Variants in ATP8A1 observed in about 807,000 individuals in gnomAD.
ATP8A1 encodes the protein ATPase phospholipid transporting 8A1.
ATP8A1 carries 90 observed loss-of-function variants against 177.7 expected under a neutral mutation model. The ratio of observed to expected loss-of-function variants is 0.51; its 90% CI spans 0.43 to 0.60. The LOEUF (loss-of-function observed/expected upper bound fraction) is 0.60, where lower values mean the gene tolerates loss of function less well. Ranked by LOEUF, ATP8A1 falls within the 20% of genes least tolerant of loss-of-function variation. ATP8A1 has a pLI of 0.00. For missense variants in ATP8A1, 1,072 were observed against 1,392.8 expected (o/e 0.77, Z 3.67); for synonymous variants, 493 against 485.9 (o/e 1.01, Z -0.19).
At chr4:42,563,511 A>G (rs1323549355) in intron 15 of ATP8A1, among the ~76,000 whole-genome samples, 1 of 152,252 alleles carries the variant, frequency 6.6e-6, no homozygotes, top group Non-Finnish European at 1.5e-5. Context: ...AGAAATTTGC[A>G]TAAGTAACGA....
chr4:42,594,346 A>G (rs1325453158), intron 6 of ATP8A1: 9 of 1,594,022 alleles, frequency 5.6e-6, no homozygotes, highest in South Asian at 1.1e-5. Context: ...TATTATAACT[A>G]TATCTCCAAC....
At chr4:42,458,652 T>C (rs1019052566) in intron 27 of ATP8A1, among the ~76,000 whole-genome samples, 1 of 152,228 alleles carries the variant, frequency 6.6e-6, no homozygotes, top group Non-Finnish European at 1.5e-5. Flanking sequence ...GATAGTGACT[T>C]TCCTAAGCAA....
At chr4:42,528,642 G>A (rs1726953836) in intron 20 of ATP8A1, among the ~76,000 whole-genome samples, 1 of 151,992 alleles carries the variant, frequency 6.6e-6, no homozygotes, top group African/African-American at 2.4e-5. Flanking sequence ...GGCCCACCAA[G>A]CAATTTGCCT....
At chr4:42,547,854 T>C (rs1353217096) in intron 19 of ATP8A1, among the ~76,000 whole-genome samples, 2 of 152,220 alleles carry the variant, frequency 1.3e-5, no homozygotes, top group African/African-American at 4.8e-5. Flanking sequence ...TCCTAAGCAA[T>C]GTACAAGTTT....
rs1049669366 is a variant in ATP8A1, at chr4:42,455,636, C to T, written c.2620-37G>A. 3 of 1,589,196 alleles carry T rather than the reference C, an allele frequency of 1.9e-6. No homozygotes were observed. In the African/African-American group the frequency reaches 4.1e-5, roughly 22 times the overall value. ...AACCCAAAACCCCCAAATTAGAATA[C>T]AAAAGCATAAATGCATTGCTTAGAA... On this transcript the variant is annotated intron_variant, in intron 27 of 36. Coordinates refer to ENST00000381668, the MANE Select transcript of ATP8A1 (RefSeq NM_006095.2).
At chr4:42,600,765 C>T (rs1278402877) in intron 5 of ATP8A1, among the ~76,000 whole-genome samples, 1 of 152,060 alleles carries the variant, frequency 6.6e-6, no homozygotes, top group Non-Finnish European at 1.5e-5. Context: ...CAAGGGCTTT[C>T]TTTAGCACAT....
rs943232340 is a variant in ATP8A1 at position 42,459,075 on chromosome 4, T to C, written c.2620-3476A>G. 4.6e-5 allele frequency among the ~76,000 whole-genome samples: 7 copies of C among 152,238 alleles called. No homozygotes were observed. In the South Asian group the frequency reaches 1.4e-3, roughly 32 times the overall value. On this transcript the variant is annotated intron_variant, in intron 27 of 36. Coordinates refer to ENST00000381668, the MANE Select transcript of ATP8A1 (RefSeq NM_006095.2). ...ATCTGGGAATTGATTTAAAAGGTCATTACCAAGACAGTTGAATCATATTCA... is the reference window on the plus strand; with the variant it reads ...ATCTGGGAATTGATTTAAAAGGTCACTACCAAGACAGTTGAATCATATTCA...
intron 24 of ATP8A1, among the ~76,000 whole-genome samples, chr4:42,500,802 C>T (rs1216186336): frequency 6.6e-6 from 1 of 152,082 alleles, no homozygotes; most frequent in East Asian, 1.9e-4. Context: ...GTATTTTCAA[C>T]TGTAGTTTGG....
At chr4:42,568,056 T>C (rs1731532998) in intron 15 of ATP8A1, among the ~76,000 whole-genome samples, 1 of 152,194 alleles carries the variant, frequency 6.6e-6, no homozygotes, top group Non-Finnish European at 1.5e-5. Context: ...ATATATACAA[T>C]ATTAAACTTG....
At chr4:42,599,581 T>C (rs555360342) in intron 6 of ATP8A1, among the ~76,000 whole-genome samples, 69 of 152,284 alleles carry the variant, frequency 4.5e-4, no homozygotes, top group Admixed American at 3.9e-3. Flanking sequence ...TAATTTTTAA[T>C]TGGGGGGTAC....
At chr4:42,470,940 GA>G (rs1160178118) in intron 25 of ATP8A1, among the ~76,000 whole-genome samples, 2 of 152,046 alleles carry the variant, frequency 1.3e-5, no homozygotes, top group Non-Finnish European at 2.9e-5. Flanking sequence ...ATATTTTGTT[GA>G]CTATTTACAG....
rs1203244600 is a variant in ATP8A1 at position 42,598,907 on chromosome 4, T to C, written c.450+1571A>G. Reference sequence around the variant, plus strand: ...ATAACTTCAGCTCTTTTGGGCTGGATGACTTTTGGCAACACTTTAAATTCT... The same window carrying C: ...ATAACTTCAGCTCTTTTGGGCTGGACGACTTTTGGCAACACTTTAAATTCT... On this transcript the variant is annotated intron_variant, in intron 6 of 36. Transcript: ENST00000381668. Among the ~76,000 whole-genome samples, 2 of 152,210 alleles carry C rather than the reference T, an allele frequency of 1.3e-5. 1 individual carries two copies. The highest frequency in any genetic ancestry group is 2.9e-5 in the Non-Finnish European group (2 of 68,012).
chr4:42,613,796 C>T lies in ATP8A1; in HGVS notation c.409+2237G>A, dbSNP rs187625162. On this transcript the variant is annotated intron_variant, in intron 5 of 36. Transcript: ENST00000381668. ...ATGGGGTTTTGCCATGTTGGTCAGG[C>T]TGGGCTTGAACTCCTGACCTCTGGC... Among the ~76,000 whole-genome samples the T allele has an allele frequency of 3.0e-3, 461 of 152,108 alleles. 2 individuals carry two copies. Among genetic ancestry groups the T allele is most frequent in the African/African-American group, 0.011 (445 of 41,512 alleles).
intron 5 of ATP8A1, among the ~76,000 whole-genome samples, chr4:42,605,414 ATGTT>A (rs1735696571): frequency 7.1e-6 from 1 of 140,958 alleles, no homozygotes; most frequent in Admixed American, 7.4e-5. Flanking sequence ...GACTTTACAG[ATGTT>A]TGTTAGTTCA....
At chr4:42,543,778 T>C in intron 20 of ATP8A1, 139 bp downstream of exon 20, 2 of 605,042 alleles carry the variant, frequency 3.3e-6, no homozygotes, top group East Asian at 5.8e-5. Flanking sequence ...GGCTGAACAC[T>C]ATTACTATAA....
intron 33 of ATP8A1, among the ~76,000 whole-genome samples, chr4:42,440,596 G>GC (rs1716516118): frequency 6.6e-6 from 1 of 152,010 alleles, no homozygotes; most frequent in African/African-American, 2.4e-5. Context: ...CAGACACACA[G>GC]AAGAATCTCA....
chr4:42,570,255 A>C (rs1298364321), intron 14 of ATP8A1, among the ~76,000 whole-genome samples: 2 of 152,094 alleles, frequency 1.3e-5, no homozygotes, highest in African/African-American at 2.4e-5. Context: ...CTTTTAACTC[A>C]CTATTCTCTC....
rs147959875 is a variant in ATP8A1 at position 42,451,425 on chromosome 4, A to T, written c.2896+556T>A. ...ATCACAGGGATCTCTTTTCTAAAGT[A>T]GCTATTTAATGACTTTTATGTGTAT... On this transcript the variant is annotated intron_variant, in intron 30 of 36. Coordinates refer to ENST00000381668, the MANE Select transcript of ATP8A1 (RefSeq NM_006095.2). 2.0e-4 allele frequency among the ~76,000 whole-genome samples: 30 copies of T among 152,356 alleles called. No homozygotes were observed. The East Asian group carries it at 3.9e-3, about 20-fold the overall frequency.
At chr4:42,435,437 A>AG (rs1366073758) in intron 33 of ATP8A1, among the ~76,000 whole-genome samples, 1 of 101,696 alleles carries the variant, frequency 9.8e-6, no homozygotes, top group African/African-American at 4.3e-5. Context: ...AAAAAAAAAA[A>AG]AAAAAAAAAA....
Sources: gnomAD v4.1 joint callset for allele counts (sites outside exome capture counted in the v4.1 genomes callset) on GRCh38, gnomAD v4.1.1 for gene constraint, MANE v1.5 for transcripts, NCBI Gene and HGNC (gene_info 2026-07-23, HGNC 2026-07-21) for gene names.